Variants in MPZ observed in about 807,000 individuals in gnomAD.
The protein encoded by MPZ is myelin protein zero.
In MPZ, 13 loss-of-function variants were observed where a neutral mutation model predicts 27.9. The observed-to-expected ratio is 0.47, with a 90% CI of 0.30 to 0.74. The LOEUF (loss-of-function observed/expected upper bound fraction) is 0.74. Among genes scored for constraint, MPZ ranks in the 30% least tolerant of loss-of-function variants. The pLI, the probability that MPZ is intolerant of heterozygous loss-of-function variation, is 0.06. For synonymous variants in MPZ, 118 were observed against 128.9 expected (o/e 0.92, Z 0.57); for missense variants, 256 against 317.5 (o/e 0.81, Z 1.47).
intron 1 of MPZ, 104 bp from the exon 2 acceptor site, chr1:161,307,528 C>T (rs1361008180): frequency 1.5e-6 from 2 of 1,333,644 alleles, no homozygotes; most frequent in Non-Finnish European, 2.1e-6. Flanking sequence ...AGGTCAGAGG[C>T]CAATTTGGAA....
intron 2 of MPZ, 30 bp downstream of exon 2, chr1:161,307,228 T>C: frequency 5.6e-6 from 9 of 1,614,074 alleles, no homozygotes; most frequent in Non-Finnish European, 7.6e-6. Context: ...CTTTCTGTTA[T>C]CCAACCCCAG....
chr1:161,304,165 C>G (rs1186686621), downstream of MPZ, among the ~76,000 whole-genome samples: 1 of 152,080 alleles, frequency 6.6e-6, no homozygotes, highest in African/African-American at 2.4e-5. Flanking sequence ...CATGTACCAA[C>G]AAAACAAAGC....
rs1670214022 is a variant in MPZ, at chr1:161,305,595, G to A, written c.*281C>T. The A allele has an allele frequency of 2.0e-6, 1 of 498,446 alleles. No homozygotes were observed. The highest frequency in any genetic ancestry group is 3.4e-5 in the East Asian group (1 of 29,280). 30.9% of individuals were successfully genotyped at this position (498,446 alleles called of 1,614,324 possible). ...AAGGGAGGTGAGGGCAGGGCAGGGC[G>A]GGGGAGCAAAGAGGGAAAGCACCTA... On this transcript the variant is annotated 3_prime_UTR_variant, in exon 6 of 6. Coordinates refer to ENST00000533357, the MANE Select transcript of MPZ (RefSeq NM_000530.8).
chr1:161,309,552 A>ATATTTTTT lies in MPZ; in HGVS notation c.67+286_67+287insAAAAAATA. On this transcript the variant is annotated intron_variant, in intron 1 of 5. Transcript: ENST00000533357. ...TTTCTTTTCATATATATATATATATATTTTTTTTTTTTTTGAATTTTACAG... is the reference window on the plus strand; with the variant it reads ...TTTCTTTTCATATATATATATATATATATTTTTTTTTTTTTTTTTTTTGAATTTTACAG... 1.6e-4 allele frequency among the ~76,000 whole-genome samples: 13 copies of ATATTTTTT among 80,642 alleles called. 1 individual carries two copies. The highest frequency in any genetic ancestry group is 1.4e-4 in the Non-Finnish European group (6 of 42,266). The allele number at this position is 80,642 out of a possible 152,430, so 52.9% of individuals were successfully genotyped here.
chr1:161,309,805 C>T (rs1323194899), intron 1 of MPZ, 34 bp downstream of exon 1: 1 of 1,540,766 alleles, frequency 6.5e-7, no homozygotes, highest in Admixed American at 2.0e-5. Context: ...ACACCTGAGT[C>T]CCAAGACTCC....
chr1:161,309,920 C>A lies in MPZ; in HGVS notation c.-15G>T, dbSNP rs1431054410. The A allele has an allele frequency of 6.3e-7, 1 of 1,578,728 alleles. No individual in the cohort carries two copies. The highest frequency in any genetic ancestry group is 8.6e-7 in the Non-Finnish European group (1 of 1,162,122). On this transcript the variant is annotated 5_prime_UTR_variant, in exon 1 of 6. Transcript: ENST00000533357. ...CCAGGAGCCATAGCTGGGGCAGGGG[C>A]AGGGGCCCGGAGCATCTGTGGGGTT...
rs1553259997 is a variant in MPZ at position 161,309,553 on chromosome 1, T to TA, written c.67+285_67+286insT. On this transcript the variant is annotated intron_variant, in intron 1 of 5. Transcript: ENST00000533357. ...TTCTTTTCATATATATATATATATA[T>TA]TTTTTTTTTTTTTGAATTTTACAGA... 0.028 allele frequency among the ~76,000 whole-genome samples: 1,928 copies of TA among 69,806 alleles called. 78 individuals carry two copies. Among genetic ancestry groups the TA allele is most frequent in the African/African-American group, 0.035 (527 of 15,016 alleles). 45.8% of individuals were successfully genotyped at this position (69,806 alleles called of 152,430 possible). A position where few individuals can be genotyped will look rare whatever the true frequency, so the allele number is the denominator to read the frequency against.
At chr1:161,308,847 C>G (rs749074926) in intron 1 of MPZ, among the ~76,000 whole-genome samples, 1 of 152,142 alleles carries the variant, frequency 6.6e-6, no homozygotes, top group African/African-American at 2.4e-5. Flanking sequence ...AACTCTCTAT[C>G]TTTAACATTT....
chr1:161,308,110 A>G (rs552781865), intron 1 of MPZ, among the ~76,000 whole-genome samples: 1 of 152,314 alleles, frequency 6.6e-6, no homozygotes, highest in South Asian at 2.1e-4. Flanking sequence ...TAACAGCTGC[A>G]TTGGATTTCA....
chr1:161,307,014 C>CAAAA (rs34621933), intron 2 of MPZ, 93 bp from the exon 3 acceptor site: 509 of 232,340 alleles, frequency 2.2e-3, no homozygotes, highest in East Asian at 4.3e-3. Context: ...AAGAAAAAAG[C>CAAAA]AAAAAAAAAA....
In MPZ at chr1:161,306,427, G is replaced by T. The variant is rs267607246; in HGVS notation, c.486C>A (p.Ile162=). The part of the protein sequence containing the change: ...TRYGVVLGAV[I]GGVLGVVLLL... ...ACAGCACCACCCCGAGGACACCCCC[G>T]ATCACAGCTCCCAGAACGACCCCGT... is the stretch of plus-strand genomic sequence containing the variant. The change falls in exon 4 of 6, where the codon ATC becomes ATA. Residue 162 remains isoleucine, a synonymous_variant. Coordinates refer to ENST00000533357, the MANE Select transcript of MPZ (RefSeq NM_000530.8). The T allele has an allele frequency of 6.2e-7, 1 of 1,614,058 alleles. No homozygotes were observed. Among genetic ancestry groups the T allele is most frequent in the East Asian group, 2.2e-5 (1 of 44,876 alleles).
At chr1:161,308,532 C>T (rs903752668) in intron 1 of MPZ, among the ~76,000 whole-genome samples, 2 of 152,152 alleles carry the variant, frequency 1.3e-5, no homozygotes, top group Non-Finnish European at 2.9e-5. Flanking sequence ...GTCTGACCAA[C>T]GCTGGGGGGC....
chr1:161,305,635 G>A lies in MPZ; in HGVS notation c.*241C>T, dbSNP rs1209367070. 7.1e-6 allele frequency: 4 copies of A among 561,570 alleles called. No individual in the cohort carries two copies. Among genetic ancestry groups the A allele is most frequent in the Non-Finnish European group, 1.3e-5 (4 of 317,580 alleles). 34.8% of individuals were successfully genotyped at this position (561,570 alleles called of 1,614,324 possible). A position where few individuals can be genotyped will look rare whatever the true frequency, so the allele number is the denominator to read the frequency against. ...GAAAGCACCTAGACGGGGGTAAGAG[G>A]AGCCTAGGTCCCCCTGCTCTGGCAG... On this transcript the variant is annotated 3_prime_UTR_variant, in exon 6 of 6. Transcript: ENST00000533357.
At position 161,309,318 on chromosome 1, in the gene MPZ, C is replaced by T. The variant is rs115584009; in HGVS notation, c.67+521G>A. Among the ~76,000 whole-genome samples the T allele has an allele frequency of 6.1e-3, 933 of 152,048 alleles. 14 individuals carry two copies. The highest frequency in any genetic ancestry group is 0.021 in the African/African-American group (862 of 41,480). The stretch of plus-strand genomic sequence containing the variant: ...AGGCACCTCCTGCACTGCTAGGGGA[C>T]GAGTGGGAACCAAACCCAGGTGTTT... On this transcript the variant is annotated intron_variant, in intron 1 of 5. Transcript: ENST00000533357.
chr1:161,308,049 T>TA (rs1670305628), intron 1 of MPZ, among the ~76,000 whole-genome samples: 2 of 152,228 alleles, frequency 1.3e-5, no homozygotes, highest in Non-Finnish European at 1.5e-5. Flanking sequence ...CTTAAGAACT[T>TA]ACGTATCTGG....
chr1:161,306,153 C>T lies in MPZ; in HGVS notation c.600G>A (p.Gly200=), dbSNP rs16832790. 54,496 of 1,614,174 alleles carry T rather than the reference C, an allele frequency of 0.034. 2,489 individuals carry two copies. Among genetic ancestry groups the T allele is most frequent in the East Asian group, 0.23 (10,121 of 44,858 alleles). The change falls in exon 5 of 6, where the codon GGG becomes GGA. Residue 200 remains glycine, a synonymous_variant. Coordinates refer to ENST00000533357, the MANE Select transcript of MPZ (RefSeq NM_000530.8). ...CGTCCTTTCCTGGCTTGTGCAATTT[C>T]CCCTTCTCCATAGCACTGCAAGAAG... ...LQRRLSAMEK[G]KLHKPGKDAS...
At chr1:161,308,311 C>A (rs956102979) in intron 1 of MPZ, among the ~76,000 whole-genome samples, 1 of 152,204 alleles carries the variant, frequency 6.6e-6, no homozygotes, top group Non-Finnish European at 1.5e-5. Flanking sequence ...CCCAAGCCTA[C>A]AGCTCAGATG....
Position 161,309,814 on chromosome 1 carries a change from C to T in MPZ, c.67+25G>A, listed in dbSNP as rs755667930. ...TGAGAGACACCTGAGTCCCAAGACT[C>T]CCAGAGTAGAGTGGCTCCACTTACC... On this transcript the variant is annotated intron_variant, in intron 1 of 5. Coordinates refer to ENST00000533357, the MANE Select transcript of MPZ (RefSeq NM_000530.8). 30 of 1,558,948 alleles carry T rather than the reference C, an allele frequency of 1.9e-5. No homozygotes were observed. In the South Asian group the frequency reaches 3.5e-4, roughly 18 times the overall value.
At chr1:161,307,038 A>T in intron 2 of MPZ, 117 bp from the exon 3 acceptor site, 1 of 863,604 alleles carries the variant, frequency 1.2e-6, no homozygotes, top group South Asian at 1.6e-5. Context: ...AAAAAAAAAA[A>T]GCTTCGCTCC....
Sources: gnomAD v4.1 joint callset for allele counts (sites outside exome capture counted in the v4.1 genomes callset) on GRCh38, gnomAD v4.1.1 for gene constraint, MANE v1.5 for transcripts, NCBI Gene and HGNC (gene_info 2026-07-23, HGNC 2026-07-21) for gene names.